The following NDUFAB1 variants were observed in gnomAD, a reference collection of about 807,000 sequenced individuals.
The protein encoded by NDUFAB1 is acyl carrier protein, mitochondrial.
A neutral mutation model predicts 16.1 loss-of-function variants in NDUFAB1; 5 were observed. The observed-to-expected ratio is 0.31, with a 90% confidence interval of 0.16 to 0.65. The LOEUF (loss-of-function observed/expected upper bound fraction) is 0.65, where lower values mean the gene tolerates loss of function less well. NDUFAB1 is among the 30% of genes least tolerant of loss of function. The pLI is 0.77. For missense variants in NDUFAB1, 187 were observed against 205.3 expected, an observed-to-expected ratio of 0.91 and a Z score of 0.54; for synonymous variants, 85 against 78.4, an observed-to-expected ratio of 1.08 and a Z score of -0.44.
At chr16:23,583,577 C>G (rs1306511823) in intron 3 of NDUFAB1, among the ~76,000 whole-genome samples, 1 of 147,968 alleles carries the variant, frequency 6.8e-6, no homozygotes. Flanking sequence ...CGTCTCTGCC[C>G]GGCTGCCCCC....
chr16:23,594,812 C>A (rs1966309731), intron 1 of NDUFAB1, among the ~76,000 whole-genome samples: 1 of 151,854 alleles, frequency 6.6e-6, no homozygotes, highest in Non-Finnish European at 1.5e-5. Context: ...TTCACACTAA[C>A]ATGCAGTCAA....
rs765134486 is a variant in NDUFAB1 at position 23,596,113 on chromosome 16, C to T, written c.168+10G>A. The T allele has an allele frequency of 1.2e-6, 2 of 1,604,328 alleles. No homozygotes were observed. The highest frequency in any genetic ancestry group is 2.2e-5 in the South Asian group (2 of 90,214). On this transcript the variant is annotated intron_variant, in intron 1 of 4. Transcript: ENST00000007516. ...CCTTGCCAAGCGGCAGCAAAGTCAC[C>T]ACGAGTCACCTGCGCGAGCACTAAG...
At chr16:23,582,704 C>T (rs1296369614) in intron 3 of NDUFAB1, among the ~76,000 whole-genome samples, 1 of 145,298 alleles carries the variant, frequency 6.9e-6, no homozygotes, top group Non-Finnish European at 1.5e-5. Flanking sequence ...AGAAACCCAG[C>T]TCCCTCTCCC....
chr16:23,584,254 T>TAAAAAAAAAAAAAAAAAAA (rs774895056), intron 3 of NDUFAB1, among the ~76,000 whole-genome samples: 1 of 12,120 alleles, frequency 8.3e-5, no homozygotes, highest in Non-Finnish European at 2.3e-4. Flanking sequence ...GAATGATCAA[T>TAAAAAAAAAAAAAAAAAAA]TAAAAAAAAA....
chr16:23,585,199 G>T, intron 3 of NDUFAB1, 137 bp downstream of exon 3: 1 of 646,244 alleles, frequency 1.5e-6, no homozygotes, highest in Non-Finnish European at 2.8e-6. Context: ...GGGCAGGAAG[G>T]TGTGTGTGAA....
intron 1 of NDUFAB1, among the ~76,000 whole-genome samples, chr16:23,589,354 G>C (rs1966259534): frequency 6.6e-6 from 1 of 151,928 alleles, no homozygotes; most frequent in African/African-American, 2.4e-5. Context: ...GAGTTGGAGA[G>C]TATGATAGAT....
At chr16:23,589,180 C>T (rs1037489864) in intron 1 of NDUFAB1, among the ~76,000 whole-genome samples, 2 of 151,826 alleles carry the variant, frequency 1.3e-5, no homozygotes, top group African/African-American at 4.8e-5. Context: ...CCTGTAATCC[C>T]ATCTACTCAG....
In NDUFAB1 at chr16:23,589,081, C is replaced by T. The variant is rs1478871482; in HGVS notation, c.169-1762G>A. ...TTGGGAAGCCGAAGCAGGCGGATCA[C>T]GAGGTCAGGAGTTCGACACTAGCCT... On this transcript the variant is annotated intron_variant, in intron 1 of 4. Transcript: ENST00000007516. Among the ~76,000 whole-genome samples, 3 of 151,852 alleles carry T rather than the reference C, an allele frequency of 2.0e-5. 1 individual carries two copies. The highest frequency in any genetic ancestry group is 4.8e-5 in the African/African-American group (2 of 41,328).
At chr16:23,587,440 T>G in intron 1 of NDUFAB1, 121 bp from the exon 2 acceptor site, 1 of 1,266,968 alleles carries the variant, frequency 7.9e-7, no homozygotes, top group Admixed American at 2.6e-5. Flanking sequence ...CAGCATCTGA[T>G]TCTCATTGTG....
intron 2 of NDUFAB1, among the ~76,000 whole-genome samples, chr16:23,585,779 G>A (rs1023672216): frequency 3.3e-5 from 5 of 152,080 alleles, no homozygotes; most frequent in Admixed American, 1.3e-4. Flanking sequence ...TTCTGTCCTT[G>A]TGACTACATC....
chr16:23,591,997 C>A (rs1003450123), intron 1 of NDUFAB1, among the ~76,000 whole-genome samples: 1 of 152,176 alleles, frequency 6.6e-6, no homozygotes, highest in Admixed American at 6.5e-5. Flanking sequence ...TGGAAAAGAC[C>A]AATCCACAGA....
chr16:23,588,864 G>C (rs1966255060), intron 1 of NDUFAB1, among the ~76,000 whole-genome samples: 1 of 151,276 alleles, frequency 6.6e-6, no homozygotes, highest in African/African-American at 2.4e-5. Context: ...TGTAATCCCA[G>C]CTATTCAGGT....
chr16:23,595,850 G>A (rs1342439834), intron 1 of NDUFAB1, among the ~76,000 whole-genome samples: 6 of 152,270 alleles, frequency 3.9e-5, no homozygotes, highest in South Asian at 2.1e-4. Flanking sequence ...GCAGGTGAGT[G>A]TGAGCCAGGC....
intron 1 of NDUFAB1, among the ~76,000 whole-genome samples, chr16:23,592,286 C>G (rs113063996): frequency 0.013 from 1,970 of 149,920 alleles, 19 homozygotes; most frequent in South Asian, 0.02. Context: ...TGAAGCTGCA[C>G]TGATATATGA....
chr16:23,586,670 T>C (rs1403112107), intron 2 of NDUFAB1, among the ~76,000 whole-genome samples: 1 of 149,082 alleles, frequency 6.7e-6, no homozygotes, highest in Non-Finnish European at 1.5e-5. Flanking sequence ...ATTTTTGAGA[T>C]GGAGTTTCAC....
At chr16:23,587,004 A>G (rs1966239292) in intron 2 of NDUFAB1, among the ~76,000 whole-genome samples, 193 bp downstream of exon 2, 2 of 152,320 alleles carry the variant, frequency 1.3e-5, no homozygotes, top group South Asian at 2.1e-4. Flanking sequence ...ACACGTGTGT[A>G]TACTTCTTTA....
In NDUFAB1 at chr16:23,593,766, C is replaced by T. The variant is rs145344936; in HGVS notation, c.168+2357G>A. ...AGAATCAATGCTGTAAGAACAAAGA[C>T]AGTCACTTCACATTTTAGCCCAATG... On this transcript the variant is annotated intron_variant, in intron 1 of 4. Coordinates refer to ENST00000007516, the MANE Select transcript of NDUFAB1 (RefSeq NM_005003.3). Among the ~76,000 whole-genome samples, 9 of 152,328 alleles carry T rather than the reference C, an allele frequency of 5.9e-5. 1 individual carries two copies. Among genetic ancestry groups the T allele is most frequent in the Admixed American group, 2.6e-4 (4 of 15,300 alleles).
intron 3 of NDUFAB1, among the ~76,000 whole-genome samples, chr16:23,584,211 C>A: frequency 8.4e-6 from 1 of 118,852 alleles, no homozygotes; most frequent in Non-Finnish European, 1.7e-5. Flanking sequence ...GTCCTATGAC[C>A]CTGCCAAATC....
In NDUFAB1 at chr16:23,582,321, A is replaced by C. The variant is rs1368287059; in HGVS notation, c.434T>G (p.Val145Gly). Residue 145 changes from valine (V) to glycine (G), a missense_variant, in exon 4 of 5, where the codon GTA (valine) becomes GGA (glycine). Coordinates refer to ENST00000007516, the MANE Select transcript of NDUFAB1 (RefSeq NM_005003.3). ...AEKLMCPQEI[V>G]DYIADKKDVY... Reference sequence around the variant, plus strand: ...ATCCTTCTTATCTGCAATGTAATCTACAATTTCTTGTGGACACATTAACTT... The same window carrying C: ...ATCCTTCTTATCTGCAATGTAATCTCCAATTTCTTGTGGACACATTAACTT... 6.3e-7 allele frequency: 1 copy of C among 1,579,944 alleles called. No homozygotes were observed. The highest frequency in any genetic ancestry group is 8.6e-7 in the Non-Finnish European group (1 of 1,164,654).
Sources: allele counts gnomAD v4.1 joint callset (sites outside exome capture counted in the v4.1 genomes callset), GRCh38; gene constraint gnomAD v4.1.1; transcripts MANE v1.5; gene names NCBI Gene and HGNC (gene_info 2026-07-23, HGNC 2026-07-21).